Variants in STC1 observed in about 807,000 individuals in gnomAD.
STC1 encodes the protein stanniocalcin-1.
Under a neutral mutation model 22.6 loss-of-function variants are expected in STC1, and 7 were observed. The observed-to-expected ratio is 0.31, with a 90% confidence interval of 0.18 to 0.58. The LOEUF (loss-of-function observed/expected upper bound fraction) is 0.58, where lower values mean the gene tolerates loss of function less well. Ranked by LOEUF, STC1 falls within the 20% of genes least tolerant of loss-of-function variation. The pLI, the probability that STC1 is intolerant of heterozygous loss-of-function variation, is 0.89. For synonymous variants in STC1, 113 were observed against 120.7 expected, an observed-to-expected ratio of 0.94 and a Z score of 0.42; for missense variants, 224 against 311.0, an observed-to-expected ratio of 0.72 and a Z score of 2.10.
In STC1 at chr8:23,852,212, C is replaced by T. The variant is rs773678939; in HGVS notation, c.261+30G>A. On this transcript the variant is annotated intron_variant, in intron 2 of 3. Coordinates refer to ENST00000290271, the MANE Select transcript of STC1 (RefSeq NM_003155.3). ...TAACACACTGTTAAAGACAAGCAGC[C>T]AGTGGGAGCAGGGGTCAAGGTTTTA... The T allele has an allele frequency of 8.7e-6, 14 of 1,613,704 alleles. No individual in the cohort carries two copies. In the African/African-American group the frequency reaches 1.7e-4, roughly 20 times the overall value.
chr8:23,844,858 G>A lies in STC1; in HGVS notation c.656C>T (p.Pro219Leu), dbSNP rs765625301. The A allele has an allele frequency of 1.2e-6, 2 of 1,613,942 alleles. No individual in the cohort carries two copies. The highest frequency in any genetic ancestry group is 2.7e-5 in the African/African-American group (2 of 74,872). The change falls in exon 4 of 4, where the codon CCG (proline) becomes CTG (leucine). Residue 219 changes from proline to leucine, a missense_variant. By Grantham distance (98) the Pro-to-Leu change is moderately conservative. Coordinates refer to ENST00000290271, the MANE Select transcript of STC1 (RefSeq NM_003155.3). ...ADFNRRRTNE[P>L]QKLKVLLRNL... ...CCTGAGGAGGACTTTCAGCTTCTGC[G>A]GCTCATTGGTGCGTCTCCTGTTGAA...
At chr8:23,845,109 CG>C in intron 3 of STC1, 69 bp from the exon 4 acceptor site, 1 of 1,538,854 alleles carries the variant, frequency 6.5e-7, no homozygotes, top group Non-Finnish European at 8.9e-7. Context: ...GGCTTTCACC[CG>C]GGCTCTAGCC....
chr8:23,847,681 G>C (rs1802588660), intron 3 of STC1, among the ~76,000 whole-genome samples: 1 of 152,188 alleles, frequency 6.6e-6, no homozygotes. Context: ...CAATGACATA[G>C]CCCTTTCCTG....
chr8:23,854,410 G>A lies in STC1; in HGVS notation c.114C>T (p.Asn38=), dbSNP rs144880151. 5 of 1,613,890 alleles carry A rather than the reference G, an allele frequency of 3.1e-6. No homozygotes were observed. Among genetic ancestry groups the A allele is most frequent in the Non-Finnish European group, 4.2e-6 (5 of 1,179,934 alleles). Residue 38 remains asparagine (N), a synonymous_variant, in exon 1 of 4, where the codon AAC becomes AAT. Coordinates refer to ENST00000290271, the MANE Select transcript of STC1 (RefSeq NM_003155.3). ...SPRKSRVAAQ[N]SAEVVRCLNS... The stretch of plus-strand genomic sequence containing the variant: ...GCTCTTGGGTTTGCTGCTTACCTGA[G>A]TTTTGAGCCGCCACTCGGGATTTCC...
Position 23,854,411 on chromosome 8 carries a change from T to C in STC1, c.113A>G (p.Asn38Ser). The C allele has an allele frequency of 6.2e-7, 1 of 1,614,034 alleles. No homozygotes were observed. Among genetic ancestry groups the C allele is most frequent in the Non-Finnish European group, 8.5e-7 (1 of 1,179,974 alleles). The change falls in exon 1 of 4, where the codon AAC becomes AGC. Residue 38 changes from asparagine to serine, a missense_variant. Coordinates refer to ENST00000290271, the MANE Select transcript of STC1 (RefSeq NM_003155.3). ...CTCTTGGGTTTGCTGCTTACCTGAG[T>C]TTTGAGCCGCCACTCGGGATTTCCT... ...SPRKSRVAAQNSAEVVRCLNS... is the reference protein window; with the variant it reads ...SPRKSRVAAQSSAEVVRCLNS...
chr8:23,845,052 AAG>A lies in STC1; in HGVS notation c.474-14_474-13del. ...GTCTGTTATAGTATCTGCATCAAGAAAGAGAGTGCATATGGTGGTCACCCAGT... is the reference window on the plus strand; with the variant it reads ...GTCTGTTATAGTATCTGCATCAAGAAAGAGTGCATATGGTGGTCACCCAGT... On this transcript the variant is annotated splice_polypyrimidine_tract_variant and intron_variant, in intron 3 of 3. Coordinates refer to ENST00000290271, the MANE Select transcript of STC1 (RefSeq NM_003155.3). 2 of 1,613,202 alleles carry A rather than the reference AAG, an allele frequency of 1.2e-6. No homozygotes were observed. The highest frequency in any genetic ancestry group is 1.7e-6 in the Non-Finnish European group (2 of 1,179,550).
chr8:23,849,654 A>G (rs1802613885), intron 3 of STC1, among the ~76,000 whole-genome samples: 1 of 152,190 alleles, frequency 6.6e-6, no homozygotes, highest in Admixed American at 6.5e-5. Context: ...TTCAGATGAA[A>G]TAGGGAGATT....
chr8:23,846,449 C>T (rs1182402353), intron 3 of STC1, among the ~76,000 whole-genome samples: 1 of 152,194 alleles, frequency 6.6e-6, no homozygotes, highest in Non-Finnish European at 1.5e-5. Flanking sequence ...AACTTTTTCT[C>T]AGAGGAGCCC....
intron 1 of STC1, chr8:23,853,955 T>G: frequency 1.1e-6 from 1 of 916,142 alleles, no homozygotes; most frequent in Non-Finnish European, 1.3e-6. Context: ...AGCTTTTCTG[T>G]GTATTCTCTT....
In STC1 at chr8:23,854,726, CGCT is replaced by C. The variant is rs879545164; in HGVS notation, c.-206_-204del. Reference sequence around the variant, plus strand: ...CCTCCGCTGCTGCTGCTGCTGCCGCCGCTGCTGCTGCTGCTGCCACCGCCGCTG... The same window carrying C: ...CCTCCGCTGCTGCTGCTGCTGCCGCCGCTGCTGCTGCTGCCACCGCCGCTG... On this transcript the variant is annotated 5_prime_UTR_variant, in exon 1 of 4. Coordinates refer to ENST00000290271, the MANE Select transcript of STC1 (RefSeq NM_003155.3). 1.0e-3 allele frequency: 645 copies of C among 648,212 alleles called. No homozygotes were observed. Among genetic ancestry groups the C allele is most frequent in the Middle Eastern group, 1.3e-3 (5 of 3,812 alleles). 40.2% of individuals were successfully genotyped at this position (648,212 alleles called of 1,614,324 possible).
At position 23,842,118 on chromosome 8, in the gene STC1, A is replaced by G. The variant is rs1256452769; in HGVS notation, c.*2652T>C. 6.6e-6 allele frequency: 1 copy of G among 152,632 alleles called. No homozygotes were observed. Among genetic ancestry groups the G allele is most frequent in the Non-Finnish European group, 1.5e-5 (1 of 68,048 alleles). 9.5% of individuals were successfully genotyped at this position (152,632 alleles called of 1,614,324 possible). A position where few individuals can be genotyped will look rare whatever the true frequency, so the allele number is the denominator to read the frequency against. ...ATGTAATTTAACAATAAATAATGAC[A>G]TATACCAGATATGCTCACTGTTTAT... On this transcript the variant is annotated 3_prime_UTR_variant, in exon 4 of 4. Transcript: ENST00000290271.
At chr8:23,852,448 G>A in intron 1 of STC1, 64 bp from the exon 2 acceptor site, 1 of 1,508,896 alleles carries the variant, frequency 6.6e-7, no homozygotes, top group Non-Finnish European at 8.9e-7. Flanking sequence ...GGGATCAAGT[G>A]GGTGCAGAGG....
intron 1 of STC1, among the ~76,000 whole-genome samples, chr8:23,853,578 T>C (rs1330625461): frequency 2.6e-5 from 4 of 152,064 alleles, no homozygotes; most frequent in Admixed American, 6.5e-5. Context: ...TTGCTGACAG[T>C]TGGAGGACAG....
rs768069472 is a variant in STC1, at chr8:23,845,051, A to T, written c.474-11T>A. On this transcript the variant is annotated splice_polypyrimidine_tract_variant and intron_variant, in intron 3 of 3. Coordinates refer to ENST00000290271, the MANE Select transcript of STC1 (RefSeq NM_003155.3). ...AGTCTGTTATAGTATCTGCATCAAG[A>T]AAGAGAGTGCATATGGTGGTCACCC... is the stretch of plus-strand genomic sequence containing the variant. 2 of 1,613,282 alleles carry T rather than the reference A, an allele frequency of 1.2e-6. No individual in the cohort carries two copies. Among genetic ancestry groups the T allele is most frequent in the South Asian group, 1.1e-5 (1 of 91,068 alleles).
At chr8:23,850,206 C>T (rs1802621754) in intron 3 of STC1, among the ~76,000 whole-genome samples, 1 of 152,228 alleles carries the variant, frequency 6.6e-6, no homozygotes, top group Admixed American at 6.5e-5. Flanking sequence ...GACTAAATCA[C>T]TTGTAAGCCC....
chr8:23,846,004 G>C (rs1802567859), intron 3 of STC1, among the ~76,000 whole-genome samples: 1 of 152,164 alleles, frequency 6.6e-6, no homozygotes, highest in Non-Finnish European at 1.5e-5. Context: ...ATGGCCCGGT[G>C]CCATCGTGCT....
At chr8:23,847,880 T>C (rs1036688938) in intron 3 of STC1, among the ~76,000 whole-genome samples, 1 of 152,230 alleles carries the variant, frequency 6.6e-6, no homozygotes, top group Non-Finnish European at 1.5e-5. Context: ...ACGGTGCACA[T>C]ATATTCAATT....
In STC1 at chr8:23,848,705, C is replaced by CT. The variant is rs563476206; in HGVS notation, c.473+2614dup. 3.7e-3 allele frequency among the ~76,000 whole-genome samples: 536 copies of CT among 145,878 alleles called. 4 individuals carry two copies. Among genetic ancestry groups the CT allele is most frequent in the East Asian group, 8.5e-3 (43 of 5,050 alleles). ...TCACTTTGAAAATTCCATCCCTGAC[C>CT]TTTTTTTTTTTGATAAAGAATAAGA... On this transcript the variant is annotated intron_variant, in intron 3 of 3. Transcript: ENST00000290271.
intron 1 of STC1, among the ~76,000 whole-genome samples, chr8:23,852,746 A>C (rs1406277897): frequency 6.6e-6 from 1 of 152,166 alleles, no homozygotes; most frequent in African/African-American, 2.4e-5. Context: ...ACTTGAAAGC[A>C]TGGGAAGGAA....
Sources: gnomAD v4.1 joint callset for allele counts (sites outside exome capture counted in the v4.1 genomes callset) on GRCh38, gnomAD v4.1.1 for gene constraint, MANE v1.5 for transcripts, NCBI Gene and HGNC (gene_info 2026-07-23, HGNC 2026-07-21) for gene names.